Variants in TVP23A observed in about 807,000 individuals in gnomAD.
TVP23A encodes the protein trans-golgi network vesicle protein 23 homolog A.
TVP23A carries 21 observed loss-of-function variants against 31.7 expected under a neutral mutation model. That is an observed-to-expected ratio of 0.66 (90% CI 0.47 to 0.95). The LOEUF (loss-of-function observed/expected upper bound fraction) is 0.95. Ranked by LOEUF, TVP23A falls within the 40% of genes least tolerant of loss-of-function variation. TVP23A has a pLI of 0.00. For synonymous variants in TVP23A, 104 were observed against 96.0 expected, an observed-to-expected ratio of 1.08 and a Z score of -0.49; for missense variants, 279 against 255.6, an observed-to-expected ratio of 1.09 and a Z score of -0.62.
chr16:10,759,699 C>A (rs1032058807), downstream of TVP23A, among the ~76,000 whole-genome samples: 2 of 152,152 alleles, frequency 1.3e-5, no homozygotes, highest in African/African-American at 4.8e-5. This position sits in a 1 kb window ranked among gnomAD's most constrained non-coding sequence, Gnocchi z 4.7. Context: ...GTGCTTGAAT[C>A]CAGGAGACAG....
chr16:10,792,639 C>T (rs2033167016), intron 2 of TVP23A, among the ~76,000 whole-genome samples: 1 of 152,248 alleles, frequency 6.6e-6, no homozygotes, highest in African/African-American at 2.4e-5. Flanking sequence ...GCAAAGGTCC[C>T]TATAAACCCT....
At chr16:10,811,322 G>A (rs762405227) in intron 2 of TVP23A, among the ~76,000 whole-genome samples, 1 of 152,152 alleles carries the variant, frequency 6.6e-6, no homozygotes, top group Admixed American at 6.5e-5. Context: ...AGGCTAGAGT[G>A]CAGTGGTGTG....
At position 10,768,202 on chromosome 16, in the gene TVP23A, T is replaced by C. The variant is rs1214100989; in HGVS notation, c.*900A>G. On this transcript the variant is annotated 3_prime_UTR_variant, in exon 8 of 8. Coordinates refer to ENST00000299866, the MANE Select transcript of TVP23A (RefSeq NM_001079512.4). This position sits in a 1 kb window ranked among gnomAD's most constrained non-coding sequence, Gnocchi z 4.3. ...TGAGAAATCTCTCAATGTGTGAGTA[T>C]TGTGAATTAATTCATAGTTTAAAAA... 3 of 535,580 alleles carry C rather than the reference T, an allele frequency of 5.6e-6. No homozygotes were observed. The highest frequency in any genetic ancestry group is 3.4e-5 in the Admixed American group (1 of 29,538). 33.2% of individuals were successfully genotyped at this position (535,580 alleles called of 1,614,324 possible). A position where few individuals can be genotyped will look rare whatever the true frequency, so the allele number is the denominator to read the frequency against.
intron 2 of TVP23A, among the ~76,000 whole-genome samples, chr16:10,812,921 GAAATA>G (rs1189838737): frequency 1.3e-5 from 2 of 151,908 alleles, no homozygotes; most frequent in Non-Finnish European, 2.9e-5. Flanking sequence ...AAAGTAAAAA[GAAATA>G]AAAAGTTTGC....
intron 2 of TVP23A, among the ~76,000 whole-genome samples, chr16:10,789,136 G>A (rs1414272843): frequency 6.6e-6 from 1 of 152,124 alleles, no homozygotes; most frequent in Non-Finnish European, 1.5e-5. Flanking sequence ...ACAAGAGCAA[G>A]GTTTTTATAT....
intron 2 of TVP23A, among the ~76,000 whole-genome samples, chr16:10,782,514 T>G (rs913356681): frequency 1.3e-5 from 2 of 152,082 alleles, no homozygotes; most frequent in African/African-American, 4.8e-5. Context: ...TTGTTTTGTT[T>G]GTTTTTAAGA....
downstream of TVP23A, chr16:10,757,874 C>A: frequency 6.2e-7 from 1 of 1,613,362 alleles, no homozygotes; most frequent in Non-Finnish European, 8.5e-7. The surrounding 1 kb of genome is among the most constrained non-coding windows in gnomAD (Gnocchi z 4.1). Context: ...TCTTTCTAGG[C>A]ATGATCAAGC....
chr16:10,780,806 C>T (rs141591544), intron 2 of TVP23A, among the ~76,000 whole-genome samples: 14 of 152,208 alleles, frequency 9.2e-5, no homozygotes, highest in Middle Eastern at 3.4e-3. Flanking sequence ...CTCAGTCCTC[C>T]GTGTCATTCG....
chr16:10,762,332 A>G (rs891468757), downstream of TVP23A, among the ~76,000 whole-genome samples: 1 of 152,164 alleles, frequency 6.6e-6, no homozygotes, highest in Non-Finnish European at 1.5e-5. Flanking sequence ...CTGGCCTGCG[A>G]GCAGGGGCCA....
chr16:10,772,743 C>T (rs184202631), intron 5 of TVP23A, among the ~76,000 whole-genome samples: 41 of 152,242 alleles, frequency 2.7e-4, no homozygotes, highest in African/African-American at 9.6e-4. Context: ...GGTGCCAGGG[C>T]TTGGAGGAAC....
intron 2 of TVP23A, chr16:10,800,196 T>C (rs1472260705): frequency 6.6e-6 from 1 of 152,016 alleles, no homozygotes; most frequent in African/African-American, 2.4e-5. Context: ...GTGTTGGGAT[T>C]ATAGGTGTCA....
chr16:10,761,831 C>T (rs774817805), downstream of TVP23A: 24 of 1,613,942 alleles, frequency 1.5e-5, no homozygotes, highest in Non-Finnish European at 1.9e-5. Context: ...TCCCTCTCCT[C>T]GGCAGAGTGC....
At chr16:10,761,472 A>C (rs554915911) in exon 9 of TVP23A, 10 of 1,613,282 alleles carry the variant, frequency 6.2e-6, no homozygotes. Context: ...TCCTAAGTGC[A>C]AGGTGAGGGC....
At chr16:10,799,022 T>G (rs1439006913) in intron 2 of TVP23A, among the ~76,000 whole-genome samples, 9 of 152,166 alleles carry the variant, frequency 5.9e-5, no homozygotes, top group Admixed American at 5.9e-4. Flanking sequence ...CCAGCTGCCA[T>G]GTTGGGAGCA....
intron 2 of TVP23A, among the ~76,000 whole-genome samples, chr16:10,816,988 G>C (rs1030399588): frequency 6.6e-6 from 1 of 151,476 alleles, no homozygotes; most frequent in Non-Finnish European, 1.5e-5. Flanking sequence ...AACAGAGAGA[G>C]ATGTGAACAT....
downstream of TVP23A, among the ~76,000 whole-genome samples, chr16:10,765,863 A>G (rs1044841256): frequency 6.6e-6 from 1 of 152,232 alleles, no homozygotes; most frequent in African/African-American, 2.4e-5. The surrounding 1 kb of genome is among the most constrained non-coding windows in gnomAD (Gnocchi z 4.0). Context: ...CTGTGTGTCA[A>G]ATGGCACATT....
Position 10,767,969 on chromosome 16 carries a change from C to T in TVP23A, c.*1133G>A. ...TTAAGGTAAGAATTGTGACAAAGGC[C>T]AGTCTTTTTTCATTGACGCCCCAGA... On this transcript the variant is annotated 3_prime_UTR_variant, in exon 8 of 8. Transcript: ENST00000299866. This position sits in a 1 kb window ranked among gnomAD's most constrained non-coding sequence, Gnocchi z 4.6. 1 of 1,614,140 alleles carries T rather than the reference C, an allele frequency of 6.2e-7. No individual in the cohort carries two copies. Among genetic ancestry groups the T allele is most frequent in the Non-Finnish European group, 8.5e-7 (1 of 1,180,022 alleles).
At chr16:10,758,546 T>A (rs533924127), downstream of TVP23A, among the ~76,000 whole-genome samples, 7 of 152,318 alleles carry the variant, frequency 4.6e-5, no homozygotes, top group African/African-American at 1.7e-4. Flanking sequence ...CGATTTGGTT[T>A]TTTTTTAGTC....
downstream of TVP23A, among the ~76,000 whole-genome samples, chr16:10,762,357 G>A (rs2142764179): frequency 6.6e-6 from 1 of 152,338 alleles, no homozygotes; most frequent in Non-Finnish European, 1.5e-5. Flanking sequence ...CCCAAAAAAT[G>A]CTCTTCTTAA....
Sources: gnomAD v4.1 joint callset for allele counts (sites outside exome capture counted in the v4.1 genomes callset) on GRCh38, gnomAD v4.1.1 for gene constraint, Gnocchi (gnomAD v3.1) non-coding constraint, MANE v1.5 for transcripts, NCBI Gene and HGNC (gene_info 2026-07-23, HGNC 2026-07-21) for gene names.